The following PTPRB variants were observed in gnomAD, a reference collection of about 807,000 sequenced individuals.
The protein encoded by PTPRB is receptor-type tyrosine-protein phosphatase beta.
A neutral mutation model predicts 238.1 loss-of-function variants in PTPRB; 97 were observed. The observed-to-expected ratio is 0.41, with a 90% CI of 0.35 to 0.48. The LOEUF (loss-of-function observed/expected upper bound fraction) is 0.48. Ranked by LOEUF, PTPRB falls within the 20% of genes least tolerant of loss-of-function variation. The pLI, the probability that PTPRB is intolerant of heterozygous loss-of-function variation, is 0.30. For synonymous variants in PTPRB, 970 were observed against 995.4 expected, an observed-to-expected ratio of 0.97 and a Z score of 0.48; for missense variants, 2,292 against 2,681.9, an observed-to-expected ratio of 0.85 and a Z score of 3.21.
intron 21 of PTPRB, among the ~76,000 whole-genome samples, chr12:70,545,053 A>G (rs906208371): frequency 3.3e-5 from 5 of 152,354 alleles, no homozygotes; most frequent in African/African-American, 1.2e-4. Flanking sequence ...AGCATGTGGG[A>G]CTGCTTCATT....
chr12:70,615,764 T>G (rs1030473387), intron 3 of PTPRB, among the ~76,000 whole-genome samples: 2 of 152,194 alleles, frequency 1.3e-5, no homozygotes, highest in African/African-American at 4.8e-5. Context: ...CGCTATGGAT[T>G]TAGGAGCTAG....
intron 3 of PTPRB, chr12:70,609,871 G>A (rs1375447780): frequency 1.3e-6 from 2 of 1,522,288 alleles, no homozygotes; most frequent in African/African-American, 2.8e-5. Context: ...GGGACGGCCC[G>A]AGGGCCGGGG....
At chr12:70,609,793 A>G in intron 3 of PTPRB, 6 of 1,587,712 alleles carry the variant, frequency 3.8e-6, no homozygotes, top group Middle Eastern at 1.7e-4. Context: ...CACAAGGCCA[A>G]CCCGGCTCCA....
chr12:70,541,060 C>CAAAT, intron 22 of PTPRB, 103 bp from the exon 23 acceptor site: 1 of 933,824 alleles, frequency 1.1e-6, no homozygotes, highest in East Asian at 2.6e-5. Flanking sequence ...AATGTTATTA[C>CAAAT]AAATAGAATT....
chr12:70,616,101 T>A (rs941362265), intron 3 of PTPRB, among the ~76,000 whole-genome samples: 3 of 152,138 alleles, frequency 2.0e-5, no homozygotes, highest in Non-Finnish European at 4.4e-5. Flanking sequence ...ATCTTCTTTT[T>A]AAATTTTTTA....
In PTPRB at chr12:70,590,160, G is replaced by C; in HGVS notation, c.1854C>G (p.Pro618=). 1 of 1,612,540 alleles carries C rather than the reference G, an allele frequency of 6.2e-7. No individual in the cohort carries two copies. Among genetic ancestry groups the C allele is most frequent in the Non-Finnish European group, 8.5e-7 (1 of 1,179,176 alleles). The change falls in exon 8 of 34, where the codon CCC becomes CCG. Residue 618 remains proline, a synonymous_variant. Coordinates refer to ENST00000334414, the MANE Select transcript of PTPRB (RefSeq NM_001109754.4). ...GATACTGCTCCCAGTCTCCAGCAGG[G>C]GGCGACCAGCTCACTACAAGAGACC... ...RMRSLVVSWS[P]PAGDWEQYRI...
Position 70,571,171 on chromosome 12 carries a change from G to A in PTPRB, c.3225C>T (p.Asp1075=). 1.9e-6 allele frequency: 3 copies of A among 1,614,004 alleles called. No homozygotes were observed. The highest frequency in any genetic ancestry group is 2.5e-6 in the Non-Finnish European group (3 of 1,179,886). The change falls in exon 13 of 34, where the codon GAC becomes GAT. Residue 1075 remains aspartate, a synonymous_variant. Coordinates refer to ENST00000334414, the MANE Select transcript of PTPRB (RefSeq NM_001109754.4). ...GGTGAAAAGGAGGAAATACTTTCAT[G>A]TCATTGAAGAGCAGCTGGATCTCAT... ...DQYEIQLLFN[D]MKVFPPFHLV...
At position 70,594,543 on chromosome 12, in the gene PTPRB, AG is replaced by A; in HGVS notation, c.1439del (p.Pro480LeufsTer10). Reference sequence around the variant, plus strand: ...TAACAGTGAGGTTGTAGAGGTAGCCAGGGGTCAGCCCGTGAAAAGCATAGGA... The same window carrying A: ...TAACAGTGAGGTTGTAGAGGTAGCCAGGGTCAGCCCGTGAAAAGCATAGGA... Reference protein sequence around the residue: ...ATSYAFHGLTPGYLYNLTVMT... With the variant: ...ATSYAFHGLTXGYLYNLTVMT... On this transcript the variant is annotated frameshift_variant, in exon 6 of 34. Transcript: ENST00000334414. LOFTEE classifies it high-confidence loss of function. The A allele has an allele frequency of 6.2e-7, 1 of 1,614,006 alleles. No homozygotes were observed. Among genetic ancestry groups the A allele is most frequent in the Non-Finnish European group, 8.5e-7 (1 of 1,179,882 alleles).
intron 4 of PTPRB, among the ~76,000 whole-genome samples, chr12:70,599,583 A>G (rs559072964): frequency 1.3e-5 from 2 of 152,344 alleles, no homozygotes; most frequent in Admixed American, 1.3e-4. Context: ...TTGGTTCCCA[A>G]CAGACCTGAA....
At chr12:70,596,944 T>C (rs1333506517) in intron 4 of PTPRB, among the ~76,000 whole-genome samples, 2 of 150,126 alleles carry the variant, frequency 1.3e-5, no homozygotes, top group African/African-American at 4.9e-5. Flanking sequence ...TAAGATGGAG[T>C]CTCGCTCTTG....
chr12:70,565,808 GC>G (rs1459144444), intron 15 of PTPRB, among the ~76,000 whole-genome samples: 1 of 152,106 alleles, frequency 6.6e-6, no homozygotes, highest in African/African-American at 2.4e-5. Context: ...ACCTTCTGTG[GC>G]AAAAAGGGCT....
At chr12:70,582,325 T>C (rs894729839) in intron 9 of PTPRB, among the ~76,000 whole-genome samples, 11 of 152,176 alleles carry the variant, frequency 7.2e-5, no homozygotes, top group Non-Finnish European at 1.3e-4. Context: ...GATTCAATTA[T>C]AATTCTAAAT....
At chr12:70,611,338 G>C (rs574943532) in intron 3 of PTPRB, among the ~76,000 whole-genome samples, 89 of 152,150 alleles carry the variant, frequency 5.8e-4, no homozygotes, top group African/African-American at 1.9e-3. Flanking sequence ...ACCCAGGTTG[G>C]AGTACAGTGG....
At chr12:70,573,092 C>T (rs2136386244) in intron 11 of PTPRB, among the ~76,000 whole-genome samples, 1 of 152,196 alleles carries the variant, frequency 6.6e-6, no homozygotes, top group South Asian at 2.1e-4. Context: ...ATATGGATTT[C>T]TTGTCCTTAA....
In PTPRB at chr12:70,596,056, T is replaced by C. The variant is rs1882978405; in HGVS notation, c.1251A>G (p.Gly417=). Residue 417 remains glycine (G), a synonymous_variant, in exon 5 of 34, where the codon GGA becomes GGG. Coordinates refer to ENST00000334414, the MANE Select transcript of PTPRB (RefSeq NM_001109754.4). ...AAAATAAACAGGTCTTACCTGTTGA[T>C]CCATTGGTATAAACTGAAAAAGAAC... The part of the protein sequence containing the change: ...GKRSFSVYTN[G]STVPSPVKDI... The C allele has an allele frequency of 8.1e-6, 13 of 1,600,012 alleles. No individual in the cohort carries two copies. In the East Asian group the frequency reaches 2.7e-4, roughly 33 times the overall value.
chr12:70,607,055 T>C (rs796335916), intron 4 of PTPRB, among the ~76,000 whole-genome samples: 17 of 152,346 alleles, frequency 1.1e-4, no homozygotes, highest in African/African-American at 3.4e-4. Context: ...TCACTCAACA[T>C]GGTCAATAAA....
intron 21 of PTPRB, among the ~76,000 whole-genome samples, chr12:70,549,902 C>T (rs1592448244): frequency 9.6e-6 from 1 of 103,794 alleles, no homozygotes; most frequent in Middle Eastern, 6.5e-3. Flanking sequence ...TGTGTTACAT[C>T]CTTAGAGCAT....
At position 70,564,885 on chromosome 12, in the gene PTPRB, T is replaced by TAAC. The variant is rs776797337; in HGVS notation, c.3904+1549_3904+1550insGTT. Among the ~76,000 whole-genome samples the TAAC allele has an allele frequency of 1.4e-3, 47 of 34,746 alleles. No individual in the cohort carries two copies. The South Asian group carries it at 0.014, about 10-fold the overall frequency. 22.8% of individuals were successfully genotyped at this position (34,746 alleles called of 152,430 possible). On this transcript the variant is annotated intron_variant, in intron 15 of 33. Transcript: ENST00000334414. ...ATAATAATAATAATAATAATAATAATAATAAATAGATAGATAAAATTGTAA... is the reference window on the plus strand; with the variant it reads ...ATAATAATAATAATAATAATAATAATAACAATAAATAGATAGATAAAATTGTAA...
intron 6 of PTPRB, among the ~76,000 whole-genome samples, chr12:70,594,244 G>A (rs1882778831): frequency 6.6e-6 from 1 of 152,192 alleles, no homozygotes; most frequent in South Asian, 2.1e-4. Flanking sequence ...GTCCATATCA[G>A]TAATTAACTT....
Sources: allele counts gnomAD v4.1 joint callset (sites outside exome capture counted in the v4.1 genomes callset), GRCh38; gene constraint gnomAD v4.1.1; transcripts MANE v1.5; gene names NCBI Gene and HGNC (gene_info 2026-07-23, HGNC 2026-07-21).